Variants in ZDHHC15 observed in about 807,000 individuals in gnomAD.
The protein encoded by ZDHHC15 is palmitoyltransferase ZDHHC15.
A neutral mutation model predicts 31.7 loss-of-function variants in ZDHHC15; 19 were observed. The ratio of observed to expected loss-of-function variants is 0.60; its 90% CI spans 0.42 to 0.88. ZDHHC15 has a LOEUF of 0.88. Ranked by LOEUF, ZDHHC15 falls within the 40% of genes least tolerant of loss-of-function variation. The pLI, the probability that ZDHHC15 is intolerant of heterozygous loss-of-function variation, is 0.00. For missense variants in ZDHHC15, 209 were observed against 251.2 expected (o/e 0.83, Z 1.14); for synonymous variants, 103 against 90.0 (o/e 1.14, Z -0.82).
rs147439487 is a variant in ZDHHC15, at chrX:75,409,858, C to T, written c.967+7229G>A. ...CACTACAAAGCAATGTTAAGTAAAT[C>T]AGCATGGTGCATGGTGTTGGGATAA... is the stretch of plus-strand genomic sequence containing the variant. On this transcript the variant is annotated intron_variant, in intron 10 of 11. Coordinates refer to ENST00000373367, the MANE Select transcript of ZDHHC15 (RefSeq NM_144969.3). Among the ~76,000 whole-genome samples the T allele has an allele frequency of 2.9e-3, 279 of 97,020 alleles. 1 individual carries two copies. Among genetic ancestry groups the T allele is most frequent in the African/African-American group, 9.6e-3 (254 of 26,333 alleles). The allele number at this position is 97,020 out of a possible 115,157, so 84.3% of individuals were successfully genotyped here.
intron 4 of ZDHHC15, among the ~76,000 whole-genome samples, chrX:75,437,795 T>C (rs1442404275): frequency 1.8e-5 from 2 of 110,873 alleles, no homozygotes; most frequent in South Asian, 3.9e-4. Context: ...CCTTTGGGTA[T>C]ATACCCAGTA....
chrX:75,398,184 C>T (rs1485395830), intron 10 of ZDHHC15, among the ~76,000 whole-genome samples: 2 of 112,244 alleles, frequency 1.8e-5, no homozygotes, highest in Non-Finnish European at 3.8e-5. Flanking sequence ...ATTGCACTTC[C>T]CTAAAAAGGA....
At chrX:75,510,097 T>G (rs769470579) in intron 1 of ZDHHC15, among the ~76,000 whole-genome samples, 229 of 111,768 alleles carry the variant, frequency 2.0e-3, no homozygotes, top group Non-Finnish European at 3.6e-3. Context: ...TTTACTTCTT[T>G]GAAAAAGTTA....
chrX:75,425,357 T>C (rs1288384442), intron 7 of ZDHHC15, among the ~76,000 whole-genome samples: 1 of 111,609 alleles, frequency 9.0e-6, no homozygotes, highest in African/African-American at 3.2e-5. Context: ...TGCTGATATA[T>C]TACATCCTGT....
chrX:75,387,158 C>A (rs1314136771), intron 10 of ZDHHC15, among the ~76,000 whole-genome samples: 2 of 111,894 alleles, frequency 1.8e-5, no homozygotes, highest in African/African-American at 3.3e-5. Context: ...TGAAATCCAA[C>A]AGGCAAATTA....
At chrX:75,485,101 G>T (rs2084756024) in intron 2 of ZDHHC15, among the ~76,000 whole-genome samples, 1 of 111,088 alleles carries the variant, frequency 9.0e-6, no homozygotes, top group Non-Finnish European at 1.9e-5. Flanking sequence ...ATCATTTGGG[G>T]TAATATAAAT....
At chrX:75,498,421 C>A in intron 2 of ZDHHC15, among the ~76,000 whole-genome samples, 1 of 111,776 alleles carries the variant, frequency 8.9e-6, no homozygotes, top group Non-Finnish European at 1.9e-5. Context: ...AGCTCCAGAT[C>A]TGGTCAATGA....
intron 3 of ZDHHC15, among the ~76,000 whole-genome samples, chrX:75,474,573 TACACAC>T (rs375925139): frequency 2.5e-4 from 16 of 64,252 alleles, no homozygotes; most frequent in South Asian, 9.3e-4. Context: ...ATCCCCTTTA[TACACAC>T]ACACACACAC....
intron 4 of ZDHHC15, among the ~76,000 whole-genome samples, chrX:75,437,116 C>T (rs1339544234): frequency 3.6e-5 from 4 of 110,662 alleles, no homozygotes; most frequent in Non-Finnish European, 5.7e-5. Context: ...CGCCTTACCT[C>T]GTGATCCGCC....
At chrX:75,489,098 T>C (rs1298263128) in intron 2 of ZDHHC15, among the ~76,000 whole-genome samples, 1 of 111,849 alleles carries the variant, frequency 8.9e-6, no homozygotes, top group Non-Finnish European at 1.9e-5. Context: ...GCCTGGAAGA[T>C]TGAACTGGGT....
At chrX:75,374,595 T>C (rs957777906) in intron 11 of ZDHHC15, among the ~76,000 whole-genome samples, 3 of 110,145 alleles carry the variant, frequency 2.7e-5, no homozygotes, top group Non-Finnish European at 3.8e-5. Context: ...AGCAGCTTTA[T>C]GTGTATGAGC....
chrX:75,496,724 C>T (rs1177794820), intron 2 of ZDHHC15, among the ~76,000 whole-genome samples: 1 of 111,474 alleles, frequency 9.0e-6, no homozygotes, highest in Non-Finnish European at 1.9e-5. Context: ...TATACACATA[C>T]ATGGAAATTA....
At chrX:75,457,078 TA>T (rs1017743146) in intron 3 of ZDHHC15, among the ~76,000 whole-genome samples, 20 of 112,059 alleles carry the variant, frequency 1.8e-4, no homozygotes, top group Admixed American at 7.6e-4. Flanking sequence ...TGTATAACAT[TA>T]AAAAACTGAT....
At chrX:75,462,819 G>A (rs939753205) in intron 3 of ZDHHC15, among the ~76,000 whole-genome samples, 1 of 111,129 alleles carries the variant, frequency 9.0e-6, no homozygotes, top group African/African-American at 3.3e-5. Flanking sequence ...CAAAAAGCTA[G>A]AAAGATCTCA....
chrX:75,392,996 G>A (rs1400844046), intron 10 of ZDHHC15, among the ~76,000 whole-genome samples: 1 of 108,087 alleles, frequency 9.3e-6, no homozygotes, highest in East Asian at 3.0e-4. Flanking sequence ...TGGGTCATTT[G>A]TAGTCCTGCC....
At position 75,383,869 on chromosome X, in the gene ZDHHC15, G is replaced by T. The variant is rs567144650; in HGVS notation, c.968-4671C>A. 6.8e-4 allele frequency among the ~76,000 whole-genome samples: 71 copies of T among 104,234 alleles called. No homozygotes were observed. The South Asian group carries it at 0.032, about 47-fold the overall frequency. The allele number at this position is 104,234 out of a possible 115,157, so 90.5% of individuals were successfully genotyped here. A position where few individuals can be genotyped will look rare whatever the true frequency, so the allele number is the denominator to read the frequency against. ...TTCTCCTGCCTCACCCTCCCGAGTA[G>T]CTGGGACTACAGGCATCCCCCACCA... On this transcript the variant is annotated intron_variant, in intron 10 of 11. Coordinates refer to ENST00000373367, the MANE Select transcript of ZDHHC15 (RefSeq NM_144969.3).
chrX:75,389,014 G>A (rs1298019848), intron 10 of ZDHHC15, among the ~76,000 whole-genome samples: 1 of 111,841 alleles, frequency 8.9e-6, no homozygotes, highest in Non-Finnish European at 1.9e-5. Flanking sequence ...CCTAGCAGTG[G>A]TTGCATGGTA....
In ZDHHC15 at chrX:75,423,795, C is replaced by T. The variant is rs993977392; in HGVS notation, c.736+857G>A. Among the ~76,000 whole-genome samples the T allele has an allele frequency of 1.0e-4, 11 of 108,556 alleles. No homozygotes were observed. In the East Asian group the frequency reaches 2.3e-3, roughly 23 times the overall value. The allele number at this position is 108,556 out of a possible 115,157, so 94.3% of individuals were successfully genotyped here. On this transcript the variant is annotated intron_variant, in intron 8 of 11. Coordinates refer to ENST00000373367, the MANE Select transcript of ZDHHC15 (RefSeq NM_144969.3). ...GAATACAGGAGTGAGCCATCATGTA[C>T]GGCCAATAGATGCAAATACTTTCTT...
At chrX:75,477,993 G>A (rs1371220448) in intron 3 of ZDHHC15, among the ~76,000 whole-genome samples, 1 of 110,250 alleles carries the variant, frequency 9.1e-6, no homozygotes, top group Non-Finnish European at 1.9e-5. Flanking sequence ...CACCATTTTG[G>A]CTTCATTAAG....
Sources: gnomAD v4.1 joint callset for allele counts (sites outside exome capture counted in the v4.1 genomes callset) on GRCh38, gnomAD v4.1.1 for gene constraint, MANE v1.5 for transcripts, NCBI Gene and HGNC (gene_info 2026-07-23, HGNC 2026-07-21) for gene names.